DSG2: variants seen among roughly 807,000 people sequenced by gnomAD.
DSG2 encodes desmoglein-2.
A neutral mutation model predicts 75.6 loss-of-function variants in DSG2; 45 were observed. The ratio of observed to expected loss-of-function variants is 0.60; its 90% CI spans 0.47 to 0.76. The LOEUF (loss-of-function observed/expected upper bound fraction) is 0.76, where lower values mean the gene tolerates loss of function less well. Ranked by LOEUF, DSG2 falls within the 30% of genes least tolerant of loss-of-function variation. The pLI, the probability that DSG2 is intolerant of heterozygous loss-of-function variation, is 0.00. For missense variants in DSG2, 1,267 were observed against 1,357.4 expected, an observed-to-expected ratio of 0.93 and a Z score of 1.05; for synonymous variants, 429 against 483.9, an observed-to-expected ratio of 0.89 and a Z score of 1.49.
In DSG2 at chr18:31,535,501, A is replaced by G. The variant is rs529786596; in HGVS notation, c.1423+89A>G. ...GAAACCATTGATTTGATTGTGTATA[A>G]AAACCTAATCTCGGCCGGGAGCAGT... is the stretch of plus-strand genomic sequence containing the variant. On this transcript the variant is annotated intron_variant, in intron 10 of 14. Transcript: ENST00000261590. The G allele has an allele frequency of 1.1e-5, 14 of 1,275,928 alleles. No homozygotes were observed. The South Asian group carries it at 1.5e-4, about 14-fold the overall frequency. The allele number at this position is 1,275,928 out of a possible 1,614,324, so 79.0% of individuals were successfully genotyped here.
At chr18:31,501,242 G>A (rs1052500807) in intron 1 of DSG2, among the ~76,000 whole-genome samples, 9 of 152,228 alleles carry the variant, frequency 5.9e-5, no homozygotes, top group South Asian at 4.1e-4. Context: ...CATAGGCCTC[G>A]CCAGATTGCC....
intron 1 of DSG2, among the ~76,000 whole-genome samples, chr18:31,499,513 T>C (rs545171139): frequency 5.3e-4 from 80 of 152,298 alleles, no homozygotes; most frequent in African/African-American, 1.9e-3. Flanking sequence ...TATTTATCCA[T>C]TTCATTTTCC....
intron 1 of DSG2, among the ~76,000 whole-genome samples, chr18:31,503,185 G>C (rs1467446478): frequency 6.6e-6 from 1 of 152,156 alleles, no homozygotes; most frequent in Non-Finnish European, 1.5e-5. Flanking sequence ...GACATGTTCT[G>C]CCCTCATGGT....
chr18:31,542,483 C>T, intron 13 of DSG2, 37 bp from the exon 14 acceptor site: 3 of 1,608,882 alleles, frequency 1.9e-6, no homozygotes, highest in East Asian at 2.2e-5. Context: ...TCCCTCCATC[C>T]TCCTGACTCA....
At chr18:31,510,501 A>C (rs1342503948) in intron 1 of DSG2, among the ~76,000 whole-genome samples, 1 of 152,170 alleles carries the variant, frequency 6.6e-6, no homozygotes, top group Non-Finnish European at 1.5e-5. Flanking sequence ...AGGTGACTTC[A>C]GAACAGAAAG....
intron 1 of DSG2, among the ~76,000 whole-genome samples, chr18:31,512,998 T>G (rs1378378782): frequency 6.6e-6 from 1 of 152,240 alleles, no homozygotes; most frequent in African/African-American, 2.4e-5. Context: ...TGAGGAAATG[T>G]CTCATAAATT....
chr18:31,500,857 A>G (rs138181647), intron 1 of DSG2, among the ~76,000 whole-genome samples: 109 of 152,324 alleles, frequency 7.2e-4, no homozygotes, highest in Middle Eastern at 6.8e-3. Context: ...ATAGAATTCA[A>G]AGAGTTCCTA....
At chr18:31,523,315 G>T (rs972489182) in intron 6 of DSG2, among the ~76,000 whole-genome samples, 1 of 152,052 alleles carries the variant, frequency 6.6e-6, no homozygotes, top group Non-Finnish European at 1.5e-5. Context: ...GCAGGAGAAT[G>T]GTGTGAACCC....
intron 10 of DSG2, 72 bp downstream of exon 10, chr18:31,535,484 T>A (rs1471902133): frequency 2.9e-5 from 39 of 1,358,254 alleles, no homozygotes; most frequent in Non-Finnish European, 3.2e-5. Context: ...CAGAAACCAT[T>A]GATTTGATTG....
intron 1 of DSG2, among the ~76,000 whole-genome samples, chr18:31,506,073 G>A (rs1323558868): frequency 6.6e-6 from 1 of 152,184 alleles, no homozygotes; most frequent in Non-Finnish European, 1.5e-5. Context: ...AGCTTACAGT[G>A]GAGAAAGGAG....
chr18:31,507,905 T>C (rs2073047279), intron 1 of DSG2, among the ~76,000 whole-genome samples: 1 of 152,232 alleles, frequency 6.6e-6, no homozygotes, highest in Non-Finnish European at 1.5e-5. Flanking sequence ...TGGTTTCTTT[T>C]GCTGTGCAGA....
In DSG2 at chr18:31,535,407, C is replaced by T. The variant is rs774607590; in HGVS notation, c.1418C>T (p.Ser473Leu). The change falls in exon 10 of 15, where the codon TCA becomes TTA. Residue 473 changes from serine (S) to leucine (L), a missense_variant. Ser to Leu is a moderately radical substitution (Grantham distance 145, BLOSUM62 -2). Coordinates refer to ENST00000261590, the MANE Select transcript of DSG2 (RefSeq NM_001943.5). ...GTYTVKIVAI[S>L]EDYPRKTITG... ...TACACTGTAAAGATTGTGGCCATATCAGAAGGTAAGTTATTAAATAGATCT... is the reference window on the plus strand; with the variant it reads ...TACACTGTAAAGATTGTGGCCATATTAGAAGGTAAGTTATTAAATAGATCT... 10 of 1,607,576 alleles carry T rather than the reference C, an allele frequency of 6.2e-6. No individual in the cohort carries two copies. Among genetic ancestry groups the T allele is most frequent in the Non-Finnish European group, 8.5e-6 (10 of 1,174,922 alleles).
At chr18:31,498,431 G>A (rs566149803) in intron 1 of DSG2, 135 bp downstream of exon 1, 1 of 1,002,076 alleles carries the variant, frequency 1.0e-6, no homozygotes, top group Non-Finnish European at 1.3e-6. Flanking sequence ...CTGCCCGAGG[G>A]GGGAAAAGGG....
intron 8 of DSG2, among the ~76,000 whole-genome samples, chr18:31,526,972 T>TACTGTACC (rs2073166635): frequency 6.6e-6 from 1 of 152,152 alleles, no homozygotes; most frequent in Non-Finnish European, 1.5e-5. Flanking sequence ...TTTTTTAAAT[T>TACTGTACC]TAGTGTCACC....
rs777302616 is a variant in DSG2 at position 31,518,236 on chromosome 18, C to T, written c.46-3C>T. The T allele has an allele frequency of 4.3e-6, 7 of 1,611,104 alleles. No individual in the cohort carries two copies. Among genetic ancestry groups the T allele is most frequent in the East Asian group, 4.5e-5 (2 of 44,854 alleles). ...CTAAATATCAAATAATTTTATTTTA[C>T]AGATCTGCTTTAACGTTGGAAGTGG... On this transcript the variant is annotated splice_polypyrimidine_tract_variant and splice_region_variant and intron_variant, in intron 1 of 14. Coordinates refer to ENST00000261590, the MANE Select transcript of DSG2 (RefSeq NM_001943.5).
chr18:31,545,642 T>C (rs945901013), intron 14 of DSG2, 79 bp from the exon 15 acceptor site: 2 of 1,506,518 alleles, frequency 1.3e-6, no homozygotes, highest in Non-Finnish European at 1.8e-6. Context: ...AACAGGAATA[T>C]AGAGTCTTGT....
At chr18:31,528,914 G>T (rs2073178325) in intron 8 of DSG2, among the ~76,000 whole-genome samples, 1 of 152,042 alleles carries the variant, frequency 6.6e-6, no homozygotes, top group South Asian at 2.1e-4. Flanking sequence ...GGGGGTGATG[G>T]AGTGTTCTAA....
At position 31,548,346 on chromosome 18, in the gene DSG2, T is replaced by G. The variant is rs1398191913; in HGVS notation, c.*1603T>G. 2 of 152,254 alleles carry G rather than the reference T, an allele frequency of 1.3e-5. No homozygotes were observed. Among genetic ancestry groups the G allele is most frequent in the Non-Finnish European group, 2.9e-5 (2 of 68,038 alleles). 9.4% of individuals were successfully genotyped at this position (152,254 alleles called of 1,614,324 possible). A position where few individuals can be genotyped will look rare whatever the true frequency, so the allele number is the denominator to read the frequency against. ...TTCATAATTTTCAAAGACTAATTTC[T>G]TGACTGAAGATATTTTGCTAGGGAA... On this transcript the variant is annotated 3_prime_UTR_variant, in exon 15 of 15. Transcript: ENST00000261590.
intron 9 of DSG2, among the ~76,000 whole-genome samples, chr18:31,532,076 A>G (rs1418680314): frequency 2.0e-5 from 3 of 152,186 alleles, no homozygotes; most frequent in East Asian, 1.9e-4. Flanking sequence ...GAGTGTCCTT[A>G]TACACCTGTG....
Sources: gnomAD v4.1 joint callset for allele counts (sites outside exome capture counted in the v4.1 genomes callset) on GRCh38, gnomAD v4.1.1 for gene constraint, MANE v1.5 for transcripts, NCBI Gene and HGNC (gene_info 2026-07-23, HGNC 2026-07-21) for gene names.